Variants in RPAP3 observed in about 807,000 individuals in gnomAD.
RPAP3 encodes the protein RNA polymerase II associated protein 3.
RPAP3 carries 58 observed loss-of-function variants against 88.8 expected under a neutral mutation model. The ratio of observed to expected loss-of-function variants is 0.65; its 90% CI spans 0.53 to 0.81. The LOEUF is 0.81. RPAP3 is among the 40% of genes least tolerant of loss of function. The pLI, the probability that RPAP3 is intolerant of heterozygous loss-of-function variation, is 0.00. For synonymous variants in RPAP3, 255 were observed against 259.9 expected, an observed-to-expected ratio of 0.98 and a Z score of 0.18; for missense variants, 751 against 764.3, an observed-to-expected ratio of 0.98 and a Z score of 0.20.
At chr12:47,670,513 T>TTATAAAA (rs1938974780) in intron 12 of RPAP3, among the ~76,000 whole-genome samples, 168 bp from the exon 13 acceptor site, 1 of 152,166 alleles carries the variant, frequency 6.6e-6, no homozygotes, top group African/African-American at 2.4e-5. Flanking sequence ...AATAAAAAGC[T>TTATAAAA]ATACAAAGCA....
chr12:47,684,359 A>C (rs892717182), intron 9 of RPAP3, among the ~76,000 whole-genome samples: 3 of 152,200 alleles, frequency 2.0e-5, no homozygotes, highest in African/African-American at 7.2e-5. Flanking sequence ...GGTAAGACTG[A>C]CTATACTGCT....
intron 5 of RPAP3, among the ~76,000 whole-genome samples, chr12:47,691,311 G>T (rs1011380094): frequency 2.6e-5 from 4 of 151,916 alleles, no homozygotes; most frequent in South Asian, 4.2e-4. Context: ...AGAATCAACT[G>T]ACCATCCATT....
intron 1 of RPAP3, among the ~76,000 whole-genome samples, chr12:47,703,736 G>C (rs1274203727): frequency 6.6e-6 from 1 of 152,186 alleles, no homozygotes; most frequent in African/African-American, 2.4e-5. Flanking sequence ...GAAAATTAAA[G>C]AGGTGGACAT....
intron 9 of RPAP3, among the ~76,000 whole-genome samples, chr12:47,686,533 C>CAT (rs1555182549): frequency 8.6e-6 from 1 of 116,330 alleles, no homozygotes; most frequent in Non-Finnish European, 1.8e-5. Flanking sequence ...TACATAAACA[C>CAT]ACACATACAC....
At chr12:47,675,698 T>A (rs991127289) in intron 12 of RPAP3, among the ~76,000 whole-genome samples, 2 of 152,154 alleles carry the variant, frequency 1.3e-5, no homozygotes, top group Admixed American at 6.5e-5. Flanking sequence ...GATCTAACTA[T>A]CCTAAATATA....
intron 16 of RPAP3, among the ~76,000 whole-genome samples, chr12:47,665,041 G>T (rs1355834296): frequency 2.0e-5 from 3 of 151,750 alleles, no homozygotes; most frequent in African/African-American, 7.3e-5. Context: ...ATTCTACGTT[G>T]AGAGAACAGC....
At chr12:47,673,444 CAAAAAAAAAAAAA>C (rs35080899) in intron 12 of RPAP3, among the ~76,000 whole-genome samples, 105 of 60,790 alleles carry the variant, frequency 1.7e-3, no homozygotes, top group Middle Eastern at 7.6e-3. Context: ...AACTCCGTCT[CAAAAAAAAAAAAA>C]AAAAAAAAAA....
chr12:47,670,968 C>T (rs1391061301), intron 12 of RPAP3, among the ~76,000 whole-genome samples: 6 of 152,200 alleles, frequency 3.9e-5, no homozygotes, highest in African/African-American at 1.4e-4. Flanking sequence ...AACCTAAACA[C>T]ATTGTCTCAA....
rs188319882 is a variant in RPAP3 at position 47,689,666 on chromosome 12, C to G, written c.668-471G>C. On this transcript the variant is annotated intron_variant, in intron 6 of 16. Transcript: ENST00000005386. ...GCCACTGAACTTTCTTCTTCTCCCC[C>G]CAGGGCAGACAAAATCCTATGACAA... 6.8e-4 allele frequency among the ~76,000 whole-genome samples: 104 copies of G among 152,292 alleles called. No homozygotes were observed. The South Asian group carries it at 0.02, about 29-fold the overall frequency.
chr12:47,680,973 C>CAAA (rs527467458), intron 10 of RPAP3, among the ~76,000 whole-genome samples: 2 of 126,118 alleles, frequency 1.6e-5, no homozygotes, highest in African/African-American at 2.9e-5. Context: ...AAAAACGAAA[C>CAAA]AAAAAAAAAA....
intron 9 of RPAP3, among the ~76,000 whole-genome samples, chr12:47,682,691 A>G (rs1321659074): frequency 6.6e-6 from 1 of 151,876 alleles, no homozygotes; most frequent in Non-Finnish European, 1.5e-5. Context: ...AAAAAAAAAA[A>G]AAACACTCCT....
chr12:47,680,185 TTAAA>T (rs1465502597), intron 10 of RPAP3, among the ~76,000 whole-genome samples: 1 of 152,154 alleles, frequency 6.6e-6, no homozygotes, highest in Non-Finnish European at 1.5e-5. Context: ...TTATGCTAAG[TTAAA>T]TAAGCAGAGG....
chr12:47,697,701 G>T lies in RPAP3; in HGVS notation c.313C>A (p.Leu105Ile). The T allele has an allele frequency of 6.2e-7, 1 of 1,603,092 alleles. No homozygotes were observed. Among genetic ancestry groups the T allele is most frequent in the Non-Finnish European group, 8.5e-7 (1 of 1,176,218 alleles). The change falls in exon 4 of 17, where the codon CTT (leucine) becomes ATT (isoleucine). Residue 105 changes from leucine to isoleucine, a missense_variant. Coordinates refer to ENST00000005386, the MANE Select transcript of RPAP3 (RefSeq NM_024604.3). The part of the protein sequence containing the change: ...KLDVDRILDE[L>I]DKDDSTHESL... ...TCATGGGTACTATCGTCTTTGTCAAGCTCATCAAGGATACGGTCCTAAAAT... is the reference window on the plus strand; with the variant it reads ...TCATGGGTACTATCGTCTTTGTCAATCTCATCAAGGATACGGTCCTAAAAT...
At chr12:47,686,545 T>TACACATACACACACACACACACAC (rs57271770) in intron 9 of RPAP3, among the ~76,000 whole-genome samples, 1 of 145,348 alleles carries the variant, frequency 6.9e-6, no homozygotes, top group African/African-American at 2.5e-5. Flanking sequence ...CACATACACA[T>TACACATACACACACACACACACAC]ACACACACAC....
In RPAP3 at chr12:47,701,558, C is replaced by T. The variant is rs775951773; in HGVS notation, c.200G>A (p.Gly67Asp). The change falls in exon 3 of 17, where the codon GGC becomes GAC. Residue 67 changes from glycine to aspartate, a missense_variant. Transcript: ENST00000005386. ...TTTTTTGGAAGACTCTTTAGCTTTG[C>T]CTTTCTTCTTTTTCCTAAAATTCCC... The part of the protein sequence containing the change: ...RNGNFRKKKK[G>D]KAKESSKKTR... 1.8e-5 allele frequency: 28 copies of T among 1,593,922 alleles called. No homozygotes were observed. In the East Asian group the frequency reaches 5.9e-4, roughly 34 times the overall value.
chr12:47,686,397 T>C (rs969902365), intron 9 of RPAP3, among the ~76,000 whole-genome samples: 1 of 152,166 alleles, frequency 6.6e-6, no homozygotes, highest in African/African-American at 2.4e-5. Context: ...AGATCCAGAA[T>C]ACTATACATA....
chr12:47,673,598 C>G (rs1259577605), intron 12 of RPAP3, among the ~76,000 whole-genome samples: 1 of 151,814 alleles, frequency 6.6e-6, no homozygotes, highest in African/African-American at 2.4e-5. Context: ...ATAAAAATAC[C>G]TCCTCTGACT....
intron 12 of RPAP3, among the ~76,000 whole-genome samples, chr12:47,672,050 C>A (rs1051503750): frequency 6.6e-6 from 1 of 150,922 alleles, no homozygotes; most frequent in African/African-American, 2.4e-5. Context: ...AGGGACCAAA[C>A]AGGTGAAGTT....
intron 3 of RPAP3, among the ~76,000 whole-genome samples, chr12:47,700,320 T>A (rs549319662): frequency 6.0e-4 from 91 of 152,188 alleles, no homozygotes; most frequent in African/African-American, 2.1e-3. Flanking sequence ...GAAAAGAACA[T>A]GGGATTAGAA....
Sources: gnomAD v4.1 joint callset for allele counts (sites outside exome capture counted in the v4.1 genomes callset) on GRCh38, gnomAD v4.1.1 for gene constraint, MANE v1.5 for transcripts, NCBI Gene and HGNC (gene_info 2026-07-23, HGNC 2026-07-21) for gene names.